RAB40B: variants seen among roughly 807,000 people sequenced by gnomAD.
RAB40B encodes the protein ras-related protein Rab-40B.
RAB40B carries 21 observed loss-of-function variants against 24.0 expected under a neutral mutation model. The ratio of observed to expected loss-of-function variants is 0.88; its 90% confidence interval spans 0.62 to 1.26. The LOEUF is 1.26. Among genes scored for constraint, RAB40B ranks in the 50% most tolerant of loss-of-function variants. The probability of loss-of-function intolerance (pLI) is 0.00; values close to 1 mark genes in which losing one functional copy is unlikely to be tolerated. For synonymous variants in RAB40B, 167 were observed against 169.8 expected (o/e 0.98, Z 0.13); for missense variants, 348 against 390.5 (o/e 0.89, Z 0.92).
intron 1 of RAB40B, among the ~76,000 whole-genome samples, chr17:82,678,890 T>TG (rs1041671270): frequency 1.4e-5 from 2 of 144,658 alleles, no homozygotes; most frequent in East Asian, 2.0e-4. Flanking sequence ...TTTTTTTTTT[T>TG]TTTTTTTTTT....
At position 82,671,936 on chromosome 17, in the gene RAB40B, C is replaced by T. The variant is rs767606237; in HGVS notation, c.143-7380G>A. Among the ~76,000 whole-genome samples, 3 of 308 alleles carry T rather than the reference C, an allele frequency of 9.7e-3. 1 individual carries two copies. Among genetic ancestry groups the T allele is most frequent in the Admixed American group, 0.083 (2 of 24 alleles). The allele number at this position is 308 out of a possible 152,430, so 0.2% of individuals were successfully genotyped here. ...ACACACACTCACATGCTCCCTGTAC[C>T]CACTGACACAGCTCACCCTGTAACT... On this transcript the variant is annotated intron_variant, in intron 1 of 5. Coordinates refer to ENST00000571995, the MANE Select transcript of RAB40B (RefSeq NM_006822.3).
intron 1 of RAB40B, among the ~76,000 whole-genome samples, chr17:82,671,342 A>G (rs1452291541): frequency 1.5e-5 from 2 of 136,114 alleles, no homozygotes; most frequent in Non-Finnish European, 1.6e-5. Context: ...CTGTACTGAC[A>G]CACCTCACCC....
chr17:82,677,711 C>T (rs896767015), intron 1 of RAB40B, among the ~76,000 whole-genome samples: 1 of 152,254 alleles, frequency 6.6e-6, no homozygotes, highest in Non-Finnish European at 1.5e-5. Flanking sequence ...TGGCCTGGCC[C>T]TACACAGAGC....
rs1156935362 is a variant in RAB40B, at chr17:82,658,141, A to G, written c.566-7T>C. The G allele has an allele frequency of 4.3e-6, 7 of 1,611,834 alleles. No individual in the cohort carries two copies. Among genetic ancestry groups the G allele is most frequent in the Non-Finnish European group, 5.9e-6 (7 of 1,178,940 alleles). ...AGGTCTTGCAAGCTCAGCACTTGGG[A>G]GAGAAAAGATAAACCTTGCTTAGTG... On this transcript the variant is annotated splice_polypyrimidine_tract_variant and splice_region_variant and intron_variant, in intron 5 of 5. Coordinates refer to ENST00000571995, the MANE Select transcript of RAB40B (RefSeq NM_006822.3).
intron 1 of RAB40B, among the ~76,000 whole-genome samples, chr17:82,693,883 G>A (rs1166611281): frequency 2.7e-5 from 4 of 149,668 alleles, no homozygotes; most frequent in Non-Finnish European, 5.9e-5. Flanking sequence ...CGGAGTTCCA[G>A]ACCATCCTGG....
chr17:82,691,541 G>T (rs1469862889), intron 1 of RAB40B, among the ~76,000 whole-genome samples: 2 of 152,212 alleles, frequency 1.3e-5, no homozygotes, highest in African/African-American at 2.4e-5. Context: ...ACAAAAATTA[G>T]CCGGGCATGG....
Position 82,664,523 on chromosome 17 carries a change from T to C in RAB40B, c.176A>G (p.Asp59Gly). 1 of 1,613,566 alleles carries C rather than the reference T, an allele frequency of 6.2e-7. No homozygotes were observed. The highest frequency in any genetic ancestry group is 8.5e-7 in the Non-Finnish European group (1 of 1,179,652). The change falls in exon 2 of 6, where the codon GAC becomes GGC. Residue 59 changes from aspartate (D) to glycine (G), a missense_variant. Asp to Gly is a moderately conservative substitution (Grantham distance 94, BLOSUM62 -1). Coordinates refer to ENST00000571995, the MANE Select transcript of RAB40B (RefSeq NM_006822.3). ...GAGCTGCAGCTTCACCCGCCGCCCG[T>C]CCAGCAGGATGGTGGTCGTCTTGTA... is the stretch of plus-strand genomic sequence containing the variant. ...IDYKTTTILL[D>G]GRRVKLQLWD...
chr17:82,657,451 C>T lies in RAB40B; in HGVS notation c.*412G>A. The T allele has an allele frequency of 3.0e-6, 1 of 335,484 alleles. No homozygotes were observed. Among genetic ancestry groups the T allele is most frequent in the Non-Finnish European group, 5.8e-6 (1 of 173,720 alleles). 20.8% of individuals were successfully genotyped at this position (335,484 alleles called of 1,614,324 possible). A position where few individuals can be genotyped will look rare whatever the true frequency, so the allele number is the denominator to read the frequency against. On this transcript the variant is annotated 3_prime_UTR_variant, in exon 6 of 6. Transcript: ENST00000571995. The stretch of plus-strand genomic sequence containing the variant: ...GAAAAGGAGGTTTACAAAAAGACCC[C>T]TCTCGTAATATCAGTGACTCTAAAT...
At position 82,674,475 on chromosome 17, in the gene RAB40B, C is replaced by CA. The variant is rs372664626; in HGVS notation, c.143-9920dup. 5.8e-3 allele frequency among the ~76,000 whole-genome samples: 825 copies of CA among 142,316 alleles called. 8 individuals carry two copies. The highest frequency in any genetic ancestry group is 9.4e-3 in the African/African-American group (358 of 38,246). 93.4% of individuals were successfully genotyped at this position (142,316 alleles called of 152,430 possible). On this transcript the variant is annotated intron_variant, in intron 1 of 5. Coordinates refer to ENST00000571995, the MANE Select transcript of RAB40B (RefSeq NM_006822.3). ...TGAAACCCCGTCTCTAGTAAAAATA[C>CA]AAAAAAAAAAAAAATTAGCCGGGTG...
intron 1 of RAB40B, among the ~76,000 whole-genome samples, chr17:82,694,533 G>GA (rs914023824): frequency 1.9e-4 from 27 of 144,048 alleles, no homozygotes; most frequent in Admixed American, 4.1e-4. Flanking sequence ...CTACATCTAA[G>GA]AAAAAAAAAA....
In RAB40B at chr17:82,663,699, C is replaced by T. The variant is rs542748362; in HGVS notation, c.203+797G>A. Reference sequence around the variant, plus strand: ...CAGCCCCGCTGGCACCAGGACGCTCCGAGCTCCCTGCCGGGTGCTCAGTGG... The same window carrying T: ...CAGCCCCGCTGGCACCAGGACGCTCTGAGCTCCCTGCCGGGTGCTCAGTGG... On this transcript the variant is annotated intron_variant, in intron 2 of 5. Transcript: ENST00000571995. The surrounding 1 kb of genome is among the most constrained non-coding windows in gnomAD (Gnocchi z 6.2). Among the ~76,000 whole-genome samples the T allele has an allele frequency of 2.0e-4, 30 of 152,180 alleles. No homozygotes were observed. The highest frequency in any genetic ancestry group is 1.6e-3 in the Admixed American group (24 of 15,302).
chr17:82,657,917 G>A lies in RAB40B; in HGVS notation c.783C>T (p.Arg261=), dbSNP rs780642744. Residue 261 remains arginine, a synonymous_variant, in exon 6 of 6, where the codon CGC becomes CGT. Transcript: ENST00000571995. ...RSSLRKVKLV[R]PPQSPPKNCT... is the part of the protein sequence containing the mutation. The stretch of plus-strand genomic sequence containing the variant: ...AGTTTTTGGGGGGGCTCTGGGGGGG[G>A]CGGACGAGCTTCACTTTGCGGAGGC... 4.9e-6 allele frequency: 5 copies of A among 1,026,288 alleles called. No homozygotes were observed. The highest frequency in any genetic ancestry group is 7.3e-6 in the Non-Finnish European group (5 of 685,796). The allele number at this position is 1,026,288 out of a possible 1,614,324, so 63.6% of individuals were successfully genotyped here. A position where few individuals can be genotyped will look rare whatever the true frequency, so the allele number is the denominator to read the frequency against.
chr17:82,689,965 T>C (rs1598317599), intron 1 of RAB40B, among the ~76,000 whole-genome samples: 1 of 13,668 alleles, frequency 7.3e-5, no homozygotes, highest in Admixed American at 7.4e-4. Context: ...AAACTTCATC[T>C]CAAAAAAAAA....
intron 1 of RAB40B, among the ~76,000 whole-genome samples, chr17:82,690,316 T>G (rs1390117664): frequency 1.5e-5 from 2 of 131,826 alleles, no homozygotes; most frequent in Non-Finnish European, 3.2e-5. Flanking sequence ...GGAGACGGAG[T>G]GTGCATGTGT....
intron 1 of RAB40B, among the ~76,000 whole-genome samples, chr17:82,683,467 G>T (rs1434334870): frequency 1.3e-5 from 2 of 152,034 alleles, no homozygotes; most frequent in African/African-American, 2.4e-5. Flanking sequence ...TCAATAAAAA[G>T]AAAATAAACA....
At chr17:82,679,382 C>T (rs1025533831) in intron 1 of RAB40B, among the ~76,000 whole-genome samples, 12 of 151,594 alleles carry the variant, frequency 7.9e-5, no homozygotes, top group South Asian at 2.1e-4. Context: ...CCTGGGTTCA[C>T]GCCATTCTCC....
intron 1 of RAB40B, among the ~76,000 whole-genome samples, chr17:82,666,248 C>T (rs1282229692): frequency 2.2e-5 from 3 of 133,818 alleles, no homozygotes; most frequent in Admixed American, 7.9e-5. Context: ...GGCCACAATA[C>T]ATTTTTTTTT....
chr17:82,671,257 C>A (rs1191624675), intron 1 of RAB40B, among the ~76,000 whole-genome samples: 8 of 129,644 alleles, frequency 6.2e-5, no homozygotes, highest in African/African-American at 2.1e-4. Flanking sequence ...ACCCTGTAAC[C>A]CTAACACACA....
intron 3 of RAB40B, among the ~76,000 whole-genome samples, chr17:82,659,954 G>A (rs1282850446): frequency 1.3e-5 from 2 of 152,218 alleles, no homozygotes; most frequent in African/African-American, 4.8e-5. Flanking sequence ...GAGGAGTGTG[G>A]CCCACTCACC....
Sources: gnomAD v4.1 joint callset for allele counts (sites outside exome capture counted in the v4.1 genomes callset) on GRCh38, gnomAD v4.1.1 for gene constraint, Gnocchi (gnomAD v3.1) non-coding constraint, MANE v1.5 for transcripts, NCBI Gene and HGNC (gene_info 2026-07-23, HGNC 2026-07-21) for gene names.